The following MALRD1 variants were observed in gnomAD, a reference collection of about 807,000 sequenced individuals.
MALRD1 encodes the protein MAM and LDL-receptor class A domain-containing protein 1.
A neutral mutation model predicts 242.1 loss-of-function variants in MALRD1; 247 were observed. The ratio of observed to expected loss-of-function variants is 1.02; its 90% CI spans 0.92 to 1.13. The LOEUF (loss-of-function observed/expected upper bound fraction) is 1.13, where lower values mean the gene tolerates loss of function less well. Among genes scored for constraint, MALRD1 ranks in the 50% most tolerant of loss-of-function variants. The pLI, the probability that MALRD1 is intolerant of heterozygous loss-of-function variation, is 0.00. For missense variants in MALRD1, 2,989 were observed against 2,533.1 expected, an observed-to-expected ratio of 1.18 and a Z score of -3.86; for synonymous variants, 995 against 866.6, an observed-to-expected ratio of 1.15 and a Z score of -2.60.
chr10:19,331,544 A>G lies in MALRD1; in HGVS notation c.3863A>G (p.Asp1288Gly), dbSNP rs1318165788. ...AKDKLCDFVNDCADNSDETTF... is the reference protein window; with the variant it reads ...AKDKLCDFVNGCADNSDETTF... ...GACAAGCTGTGTGATTTTGTGAATG[A>G]TTGTGCTGATAATTCAGATGAGACT... Residue 1288 changes from aspartate to glycine, a missense_variant, in exon 24 of 40, where the codon GAT becomes GGT. Asp to Gly is a moderately conservative substitution (Grantham distance 94). Transcript: ENST00000454679. The G allele has an allele frequency of 1.3e-6, 2 of 1,550,262 alleles. No individual in the cohort carries two copies. The highest frequency in any genetic ancestry group is 8.7e-7 in the Non-Finnish European group (1 of 1,146,788).
intron 32 of MALRD1, among the ~76,000 whole-genome samples, chr10:19,561,460 G>A (rs1460077143): frequency 6.6e-6 from 1 of 152,108 alleles, no homozygotes; most frequent in Non-Finnish European, 1.5e-5. Flanking sequence ...TTAGTAAATT[G>A]GCAAGTATTT....
intron 28 of MALRD1, among the ~76,000 whole-genome samples, chr10:19,434,828 A>C (rs932681540): frequency 2.6e-5 from 4 of 151,946 alleles, no homozygotes; most frequent in Non-Finnish European, 4.4e-5. Context: ...TTAGATTCAA[A>C]AGGATTCCTA....
At chr10:19,248,686 G>C (rs763644538) in intron 18 of MALRD1, among the ~76,000 whole-genome samples, 41 of 151,546 alleles carry the variant, frequency 2.7e-4, no homozygotes, top group Non-Finnish European at 5.9e-4. Context: ...TGACTGTTTG[G>C]ACATCATTTA....
intron 36 of MALRD1, among the ~76,000 whole-genome samples, chr10:19,644,504 G>A (rs1840559271): frequency 2.6e-3 from 2 of 780 alleles, no homozygotes; most frequent in Admixed American, 0.021. Context: ...GCTTCTGTAA[G>A]TAAAGGTTAT....
At chr10:19,302,064 C>T (rs1307099680) in intron 21 of MALRD1, among the ~76,000 whole-genome samples, 1 of 151,636 alleles carries the variant, frequency 6.6e-6, no homozygotes, top group Non-Finnish European at 1.5e-5. Context: ...AGTGAGATAC[C>T]ACTTCACATC....
chr10:19,303,647 T>C (rs1478472205), intron 21 of MALRD1, among the ~76,000 whole-genome samples: 1 of 151,714 alleles, frequency 6.6e-6, no homozygotes, highest in African/African-American at 2.4e-5. Flanking sequence ...AATAAATGGG[T>C]GAGATGATTT....
chr10:19,717,221 A>C (rs1052356551), intron 38 of MALRD1, among the ~76,000 whole-genome samples: 1 of 152,238 alleles, frequency 6.6e-6, no homozygotes, highest in Non-Finnish European at 1.5e-5. Flanking sequence ...ACTCAATCTC[A>C]GTGCTTTTCC....
Position 19,108,717 on chromosome 10 carries a change from G to T in MALRD1, c.694+4642G>T, listed in dbSNP as rs1407737784. 1.3e-5 allele frequency among the ~76,000 whole-genome samples: 2 copies of T among 151,214 alleles called. 1 individual carries two copies. The highest frequency in any genetic ancestry group is 2.9e-5 in the Non-Finnish European group (2 of 67,828). On this transcript the variant is annotated intron_variant, in intron 5 of 39. Coordinates refer to ENST00000454679, the MANE Select transcript of MALRD1 (RefSeq NM_001142308.3). ...CAGGCGTGAGCCACCGCGCCCGGCC[G>T]TTTTTTCTAATTTTATTGAATTGTG...
chr10:19,087,980 G>T (rs938814182), intron 3 of MALRD1, 44 bp from the exon 4 acceptor site: 10 of 1,232,488 alleles, frequency 8.1e-6, no homozygotes, highest in Non-Finnish European at 1.0e-5. Context: ...CACATTTGGG[G>T]ACTTCTTTAT....
intron 21 of MALRD1, among the ~76,000 whole-genome samples, chr10:19,314,519 C>T (rs768501672): frequency 6.6e-6 from 1 of 151,566 alleles, no homozygotes; most frequent in African/African-American, 2.4e-5. Flanking sequence ...ATGGGCATAT[C>T]TGGGTGTCCG....
chr10:19,066,313 T>C (rs1283291641), intron 1 of MALRD1, among the ~76,000 whole-genome samples: 1 of 152,194 alleles, frequency 6.6e-6, no homozygotes, highest in East Asian at 1.9e-4. Flanking sequence ...GCCAACTGCA[T>C]TTTTGTATGT....
chr10:19,152,262 A>G (rs897622821), intron 11 of MALRD1, among the ~76,000 whole-genome samples: 2 of 152,192 alleles, frequency 1.3e-5, no homozygotes, highest in African/African-American at 4.8e-5. Context: ...ATAGGAAGAT[A>G]AATCAAGGGA....
intron 24 of MALRD1, among the ~76,000 whole-genome samples, chr10:19,344,720 T>TG (rs71507279): frequency 0.1 from 14,646 of 142,094 alleles, 859 homozygotes; most frequent in Non-Finnish European, 0.14. Context: ...CCATGTCAAT[T>TG]GGGGGGGGGG....
At chr10:19,115,904 A>T (rs1212472611) in intron 5 of MALRD1, among the ~76,000 whole-genome samples, 1 of 152,136 alleles carries the variant, frequency 6.6e-6, no homozygotes, top group African/African-American at 2.4e-5. Flanking sequence ...AAAAATACAT[A>T]TAAGCTATTT....
In MALRD1 at chr10:19,146,350, A is replaced by C. The variant is rs945469972; in HGVS notation, c.1558+6A>C. Reference sequence around the variant, plus strand: ...CACAGCAAACATAAATCATGGTAGGACATTTTCCTCTTTAAAAAAAAATAG... The same window carrying C: ...CACAGCAAACATAAATCATGGTAGGCCATTTTCCTCTTTAAAAAAAAATAG... On this transcript the variant is annotated splice_donor_region_variant and intron_variant, in intron 11 of 39. Transcript: ENST00000454679. 2.4e-6 allele frequency: 3 copies of C among 1,230,558 alleles called. No homozygotes were observed. In the African/African-American group the frequency reaches 4.7e-5, roughly 19 times the overall value. The allele number at this position is 1,230,558 out of a possible 1,614,324, so 76.2% of individuals were successfully genotyped here.
rs553204600 is a variant in MALRD1 at position 19,343,277 on chromosome 10, A to G, written c.3902-4494A>G. Among the ~76,000 whole-genome samples the G allele has an allele frequency of 8.5e-5, 13 of 152,256 alleles. No homozygotes were observed. In the East Asian group the frequency reaches 2.5e-3, roughly 29 times the overall value. On this transcript the variant is annotated intron_variant, in intron 24 of 39. Coordinates refer to ENST00000454679, the MANE Select transcript of MALRD1 (RefSeq NM_001142308.3). ...TAATTATGAATTCATAGAAACTTCA[A>G]AGAGAGTGCAGAAAAATACTATGTA... is the stretch of plus-strand genomic sequence containing the variant.
At chr10:19,382,068 C>T (rs1185110311) in intron 26 of MALRD1, among the ~76,000 whole-genome samples, 3 of 152,042 alleles carry the variant, frequency 2.0e-5, no homozygotes, top group African/African-American at 7.2e-5. Flanking sequence ...AACGTTACTC[C>T]AGTCTATACC....
chr10:19,372,965 A>G (rs10827328), intron 26 of MALRD1, among the ~76,000 whole-genome samples: 86,462 of 151,712 alleles, frequency 0.57, 24,791 homozygotes, highest in Middle Eastern at 0.6. Flanking sequence ...ATTCCTCATA[A>G]ATAATCTTTG....
intron 5 of MALRD1, among the ~76,000 whole-genome samples, chr10:19,117,276 T>C (rs776742594): frequency 6.6e-6 from 1 of 152,112 alleles, no homozygotes. Flanking sequence ...CCAAAATACT[T>C]ACTCATATAC....
Sources: gnomAD v4.1 joint callset for allele counts (sites outside exome capture counted in the v4.1 genomes callset) on GRCh38, gnomAD v4.1.1 for gene constraint, MANE v1.5 for transcripts, NCBI Gene and HGNC (gene_info 2026-07-23, HGNC 2026-07-21) for gene names.